The following PCNT variants were observed in gnomAD, a reference collection of about 807,000 sequenced individuals.
PCNT encodes pericentrin.
A neutral mutation model predicts 380.4 loss-of-function variants in PCNT; 319 were observed. The observed-to-expected ratio is 0.84, with a 90% CI of 0.77 to 0.92. PCNT has a LOEUF of 0.92. Ranked by LOEUF, PCNT falls within the 40% of genes least tolerant of loss-of-function variation. The probability of loss-of-function intolerance (pLI) is 0.00; values close to 1 mark genes in which losing one functional copy is unlikely to be tolerated. For synonymous variants in PCNT, 1,845 were observed against 1,735.2 expected (o/e 1.06, Z -1.57); for missense variants, 4,400 against 4,255.3 (o/e 1.03, Z -0.95).
intron 21 of PCNT, among the ~76,000 whole-genome samples, chr21:46,394,200 C>T (rs1022904552): frequency 1.3e-5 from 2 of 152,228 alleles, no homozygotes; most frequent in Non-Finnish European, 2.9e-5. Flanking sequence ...TGAACCCGGC[C>T]CTGGTGTGCA....
At chr21:46,333,553 C>G (rs1485456071) in intron 2 of PCNT, among the ~76,000 whole-genome samples, 1 of 151,842 alleles carries the variant, frequency 6.6e-6, no homozygotes, top group Non-Finnish European at 1.5e-5. Flanking sequence ...TTGCAGTGAG[C>G]CGAGGTCATG....
intron 5 of PCNT, 49 bp from the exon 6 acceptor site, chr21:46,347,408 G>T: frequency 6.2e-7 from 1 of 1,603,170 alleles, no homozygotes; most frequent in South Asian, 1.1e-5. Context: ...TTGGGTCACT[G>T]AAAAGGTTGA....
At chr21:46,385,791 C>T in intron 16 of PCNT, 41 bp from the exon 17 acceptor site, 2 of 1,610,402 alleles carry the variant, frequency 1.2e-6, no homozygotes, top group South Asian at 2.2e-5. Flanking sequence ...TGCTTTTAAC[C>T]AAATTGTTTT....
intron 46 of PCNT, 66 bp from the exon 47 acceptor site, chr21:46,445,218 A>T (rs778120934): frequency 1.8e-6 from 2 of 1,091,798 alleles, no homozygotes; most frequent in Non-Finnish European, 2.8e-6. Flanking sequence ...AAAATTGTGG[A>T]ATTCTTTTCA....
At chr21:46,386,089 C>T (rs1405097889) in intron 17 of PCNT, 106 bp downstream of exon 17, 1 of 1,338,854 alleles carries the variant, frequency 7.5e-7, no homozygotes, top group Non-Finnish European at 1.1e-6. Flanking sequence ...CTGCTGCCAC[C>T]ATGCACGCTG....
intron 21 of PCNT, among the ~76,000 whole-genome samples, chr21:46,395,950 C>T (rs2086194889): frequency 6.6e-6 from 1 of 151,788 alleles, no homozygotes; most frequent in African/African-American, 2.4e-5. Context: ...ATAGAGACTT[C>T]AGGACTCAGC....
In PCNT at chr21:46,430,570, G is replaced by C. The variant is rs2070426; in HGVS notation, c.7977G>C (p.Gln2659His). ...KAALQELESE[Q>H]GKGRALQSQL... is the part of the protein sequence containing the mutation. ...CGCTTCAGGAGCTGGAGAGTGAGCA[G>C]GGGAAGGGGCGTGCCCTGCAGAGCC... The change falls in exon 37 of 47, where the codon CAG becomes CAC. Residue 2659 changes from glutamine to histidine, a missense_variant. Gln to His is a conservative substitution (Grantham distance 24, BLOSUM62 0). Coordinates refer to ENST00000359568, the MANE Select transcript of PCNT (RefSeq NM_006031.6). The C allele has an allele frequency of 0.54, 838,884 of 1,559,684 alleles. 228,653 individuals carry two copies. Among genetic ancestry groups the C allele is most frequent in the East Asian group, 0.67 (27,969 of 41,874 alleles).
intron 31 of PCNT, among the ~76,000 whole-genome samples, chr21:46,419,448 G>C (rs2087156127): frequency 6.6e-6 from 1 of 152,170 alleles, no homozygotes; most frequent in Non-Finnish European, 1.5e-5. Flanking sequence ...GGCATCTTCA[G>C]CCCTCCTAGC....
Position 46,411,476 on chromosome 21 carries a change from C to T in PCNT, c.5403C>T (p.Ala1801=). 6.2e-7 allele frequency: 1 copy of T among 1,609,794 alleles called. No homozygotes were observed. Among genetic ancestry groups the T allele is most frequent in the Non-Finnish European group, 8.5e-7 (1 of 1,178,776 alleles). Residue 1801 remains alanine, a synonymous_variant, in exon 28 of 47, where the codon GCC becomes GCT. Coordinates refer to ENST00000359568, the MANE Select transcript of PCNT (RefSeq NM_006031.6). ...AGGCTGCGCTGGAAGCCAAGGAGGC[C>T]CTGAGCCGGCTGCTGGCTGACCAGG... ...ELEAALEAKE[A]LSRLLADQER...
intron 25 of PCNT, 94 bp downstream of exon 25, chr21:46,399,890 T>A: frequency 4.7e-6 from 5 of 1,058,594 alleles, no homozygotes; most frequent in Non-Finnish European, 7.4e-6. Context: ...CAGGGCGTCC[T>A]TCTTCACTGG....
rs138036524 is a variant in PCNT, at chr21:46,353,166, C to T, written c.1519C>T (p.Arg507Ter). 13 of 1,614,026 alleles carry T rather than the reference C, an allele frequency of 8.1e-6. No homozygotes were observed. The highest frequency in any genetic ancestry group is 1.3e-5 in the African/African-American group (1 of 75,018). Residue 507 changes from arginine (R) to a stop codon, truncating the protein, a stop_gained, in exon 10 of 47, where the codon CGA (arginine) becomes TGA (stop). Coordinates refer to ENST00000359568, the MANE Select transcript of PCNT (RefSeq NM_006031.6). LOFTEE classifies it high-confidence loss of function. ...GGAAGATTTAGAACAGCTGAAGCAG[C>T]GAGAAAAAACCCAGCATGAGTCCGA... ...RVEDLEQLKQ[R>*]EKTQHESELE... is the part of the protein sequence containing the mutation.
At chr21:46,427,041 C>T (rs1489385139) in intron 33 of PCNT, among the ~76,000 whole-genome samples, 1 of 152,192 alleles carries the variant, frequency 6.6e-6, no homozygotes, top group Non-Finnish European at 1.5e-5. Flanking sequence ...CTCATTGGTG[C>T]TGCACGCTGC....
In PCNT at chr21:46,381,692, A is replaced by G. The variant is rs774553297; in HGVS notation, c.3166-2A>G. The G allele has an allele frequency of 1.2e-6, 2 of 1,613,152 alleles. No homozygotes were observed. Among genetic ancestry groups the G allele is most frequent in the Admixed American group, 3.3e-5 (2 of 60,020 alleles). ...ATTTTTTATTGTTATTGATGTGTACAGGGTGAATTTGGAAGTGAAAAGAAA... is the reference window on the plus strand; with the variant it reads ...ATTTTTTATTGTTATTGATGTGTACGGGGTGAATTTGGAAGTGAAAAGAAA... On this transcript the variant is annotated splice_acceptor_variant, in intron 15 of 46. Transcript: ENST00000359568. LOFTEE classifies it high-confidence loss of function.
rs143776463 is a variant in PCNT at position 46,441,055 on chromosome 21, G to A, written c.9594G>A (p.Thr3198=). The A allele has an allele frequency of 7.7e-5, 125 of 1,613,676 alleles. No homozygotes were observed. The African/African-American group carries it at 1.3e-3, about 16-fold the overall frequency. ...ITSRPFTRFR[T]AVRVVIAILR... is the part of the protein sequence containing the mutation. ...CTCGTCCTTTCACCAGGTTCCGCAC[G>A]GCCGTCAGGGTGGTCATTGCAATAT... Residue 3198 remains threonine, a synonymous_variant, in exon 43 of 47, where the codon ACG becomes ACA. Transcript: ENST00000359568.
At chr21:46,442,092 G>A (rs1395808348) in intron 43 of PCNT, among the ~76,000 whole-genome samples, 1 of 152,210 alleles carries the variant, frequency 6.6e-6, no homozygotes, top group Non-Finnish European at 1.5e-5. Context: ...AGCCTGTCCA[G>A]TGGCATCTGT....
intron 15 of PCNT, 62 bp downstream of exon 15, chr21:46,367,201 C>T: frequency 1.4e-6 from 2 of 1,384,514 alleles, no homozygotes; most frequent in Non-Finnish European, 2.0e-6. Flanking sequence ...TGTGTGTTTC[C>T]ACCGCGTGTC....
intron 31 of PCNT, chr21:46,420,825 C>T (rs1365379443): frequency 3.9e-5 from 6 of 152,256 alleles, no homozygotes; most frequent in Non-Finnish European, 5.9e-5. Flanking sequence ...ACATCCTTCA[C>T]CCTCAGAGAT....
chr21:46,328,062 C>T (rs1233914218), intron 2 of PCNT, among the ~76,000 whole-genome samples: 1 of 152,158 alleles, frequency 6.6e-6, no homozygotes, highest in African/African-American at 2.4e-5. Flanking sequence ...TGGGTGCAGG[C>T]TTTGATGTTT....
At chr21:46,422,207 GGA>G in intron 32 of PCNT, 83 bp downstream of exon 32, 2 of 1,525,286 alleles carry the variant, frequency 1.3e-6, no homozygotes, top group Non-Finnish European at 1.8e-6. Flanking sequence ...GCCTTGCCGG[GGA>G]GAGCCTTGGA....
Sources: gnomAD v4.1 joint callset for allele counts (sites outside exome capture counted in the v4.1 genomes callset) on GRCh38, gnomAD v4.1.1 for gene constraint, MANE v1.5 for transcripts, NCBI Gene and HGNC (gene_info 2026-07-23, HGNC 2026-07-21) for gene names.